STOX2: variants seen among roughly 807,000 people sequenced by gnomAD.
STOX2 encodes storkhead box 2.
STOX2 carries 28 observed loss-of-function variants against 60.9 expected under a neutral mutation model. The ratio of observed to expected loss-of-function variants is 0.46; its 90% CI spans 0.34 to 0.63. STOX2 has a LOEUF of 0.63. Ranked by LOEUF, STOX2 falls within the 30% of genes least tolerant of loss-of-function variation. The probability of loss-of-function intolerance (pLI) is 0.01; values close to 1 mark genes in which losing one functional copy is unlikely to be tolerated. For synonymous variants in STOX2, 472 were observed against 463.9 expected (o/e 1.02, Z -0.22); for missense variants, 1,024 against 1,187.7 (o/e 0.86, Z 2.03).
intron 1 of STOX2, among the ~76,000 whole-genome samples, chr4:183,927,092 A>T (rs1212561510): frequency 1.3e-5 from 2 of 152,146 alleles, no homozygotes; most frequent in Non-Finnish European, 2.9e-5. Context: ...TTCCTCATTG[A>T]CTCTGATTGC....
intron 1 of STOX2, among the ~76,000 whole-genome samples, chr4:183,989,188 TTTTTTGTTTG>T (rs1732988490): frequency 1.1e-5 from 1 of 88,262 alleles, no homozygotes; most frequent in Non-Finnish European, 2.4e-5. Context: ...TTTTTTTTTT[TTTTTTGTTTG>T]TTTGGTTTGG....
chr4:183,945,227 T>C (rs891884716), intron 1 of STOX2, among the ~76,000 whole-genome samples: 1 of 152,166 alleles, frequency 6.6e-6, no homozygotes, highest in African/African-American at 2.4e-5. Flanking sequence ...CTTTGGTATT[T>C]TAAAAATTTC....
chr4:183,858,155 C>CCATCCCTA (rs1740346842), intron 1 of STOX2, among the ~76,000 whole-genome samples: 2 of 152,212 alleles, frequency 1.3e-5, no homozygotes, highest in Non-Finnish European at 2.9e-5. Flanking sequence ...CCTCACTGCA[C>CCATCCCTA]AGCCCCATCC....
In STOX2 at chr4:183,825,751, C is replaced by G. The variant is rs961088357; in HGVS notation, c.364+27696C>G. Among the ~76,000 whole-genome samples the G allele has an allele frequency of 3.3e-5, 5 of 152,050 alleles. No homozygotes were observed. The highest frequency in any genetic ancestry group is 1.2e-4 in the African/African-American group (5 of 41,392). On this transcript the variant is annotated intron_variant, in intron 1 of 2. Transcript: ENST00000513034. The surrounding 1 kb of genome is among the most constrained non-coding windows in gnomAD (Gnocchi z 4.1). The stretch of plus-strand genomic sequence containing the variant: ...GGTCAGCGAGGTGGCTGGGGCTGGA[C>G]TTTGCCGGGGAGGGGTTCAGATTTA...
upstream of STOX2, among the ~76,000 whole-genome samples, chr4:183,901,597 A>T (rs112721154): frequency 0.021 from 2,977 of 140,282 alleles, 102 homozygotes; most frequent in African/African-American, 0.073. Context: ...GTTTTTGGGT[A>T]TTTTTTTTTT....
intron 1 of STOX2, among the ~76,000 whole-genome samples, chr4:183,928,218 CGG>C (rs3042579): frequency 0.71 from 107,315 of 151,752 alleles, 38,462 homozygotes; most frequent in Non-Finnish European, 0.77. Context: ...GGGGAGCCCT[CGG>C]GGGGGGGCAT....
chr4:183,916,364 A>G (rs1344564736), intron 1 of STOX2, among the ~76,000 whole-genome samples: 1 of 152,244 alleles, frequency 6.6e-6, no homozygotes, highest in Non-Finnish European at 1.5e-5. Context: ...GATTTAGAGC[A>G]GAGATGCGGA....
At chr4:183,801,310 C>G (rs1339960015) in intron 1 of STOX2, among the ~76,000 whole-genome samples, 1 of 152,172 alleles carries the variant, frequency 6.6e-6, no homozygotes, top group Admixed American at 6.5e-5. Flanking sequence ...TTTCAGAACC[C>G]TTCAAAGGGT....
intron 1 of STOX2, among the ~76,000 whole-genome samples, chr4:183,926,195 AAC>A (rs1196325340): frequency 3.9e-5 from 6 of 152,368 alleles, no homozygotes; most frequent in African/African-American, 9.6e-5. Flanking sequence ...AAAGAAATAA[AAC>A]AGTCAAGATA....
At chr4:183,850,713 A>G (rs1239754483) in intron 1 of STOX2, among the ~76,000 whole-genome samples, 1 of 152,256 alleles carries the variant, frequency 6.6e-6, no homozygotes, top group African/African-American at 2.4e-5. Flanking sequence ...TGGGTGACAG[A>G]GTGAGACTCC....
At chr4:183,974,438 A>T (rs1289244593) in intron 1 of STOX2, among the ~76,000 whole-genome samples, 1 of 152,188 alleles carries the variant, frequency 6.6e-6, no homozygotes. Context: ...GATTGTCATA[A>T]TGGATTTTTT....
chr4:183,943,940 T>C (rs1037459988), intron 1 of STOX2, among the ~76,000 whole-genome samples: 2 of 152,236 alleles, frequency 1.3e-5, no homozygotes, highest in Admixed American at 1.3e-4. Flanking sequence ...GCCACTCTGC[T>C]GTAGCCACCA....
chr4:183,892,604 G>T (rs1339302972), intron 1 of STOX2, among the ~76,000 whole-genome samples: 2 of 152,176 alleles, frequency 1.3e-5, no homozygotes, highest in Non-Finnish European at 2.9e-5. Context: ...TTGCATGCAC[G>T]CTGACAAGGG....
intron 1 of STOX2, among the ~76,000 whole-genome samples, chr4:183,832,486 CTTTTT>C (rs57764548): frequency 6.8e-5 from 5 of 74,048 alleles, no homozygotes; most frequent in African/African-American, 1.5e-4. Flanking sequence ...ATAACCGACT[CTTTTT>C]TTTTTTTTTT....
intron 1 of STOX2, among the ~76,000 whole-genome samples, chr4:183,867,717 C>G (rs867530214): frequency 6.6e-6 from 1 of 152,192 alleles, no homozygotes; most frequent in African/African-American, 2.4e-5. Context: ...CGTGTGCAAT[C>G]ACTTTTAGTC....
At chr4:184,017,016 T>A in intron 3 of STOX2, 73 bp from the exon 4 acceptor site, 1 of 1,280,870 alleles carries the variant, frequency 7.8e-7, no homozygotes, top group African/African-American at 1.5e-5. Context: ...CATCATTTGC[T>A]CTTCCTCTGG....
At chr4:183,802,669 G>A (rs1022460091) in intron 1 of STOX2, among the ~76,000 whole-genome samples, 22 of 151,460 alleles carry the variant, frequency 1.5e-4, no homozygotes, top group African/African-American at 5.1e-4. Context: ...GCAGTGGTGC[G>A]ATCTCGGCTC....
At chr4:183,829,774 C>G (rs774209437) in intron 1 of STOX2, among the ~76,000 whole-genome samples, 2 of 152,138 alleles carry the variant, frequency 1.3e-5, no homozygotes, top group Non-Finnish European at 2.9e-5. Context: ...CTAATGGATC[C>G]TGATTGTAAT....
intron 1 of STOX2, among the ~76,000 whole-genome samples, chr4:183,819,876 A>G (rs1054342273): frequency 1.3e-5 from 2 of 152,182 alleles, no homozygotes; most frequent in African/African-American, 4.8e-5. Flanking sequence ...TTGGAGGAGA[A>G]GGTGGTGAGG....
Sources: gnomAD v4.1 joint callset for allele counts (sites outside exome capture counted in the v4.1 genomes callset) on GRCh38, gnomAD v4.1.1 for gene constraint, Gnocchi (gnomAD v3.1) non-coding constraint, MANE v1.5 for transcripts, NCBI Gene and HGNC (gene_info 2026-07-23, HGNC 2026-07-21) for gene names.